Variants in CLSTN2 observed in about 807,000 individuals in gnomAD.
CLSTN2 encodes calsyntenin 2.
In CLSTN2, 48 loss-of-function variants were observed where a neutral mutation model predicts 101.2. The observed-to-expected ratio is 0.47, with a 90% CI of 0.38 to 0.60. The LOEUF (loss-of-function observed/expected upper bound fraction) is 0.60. Ranked by LOEUF, CLSTN2 falls within the 20% of genes least tolerant of loss-of-function variation. The pLI, the probability that CLSTN2 is intolerant of heterozygous loss-of-function variation, is 0.00. For synonymous variants in CLSTN2, 481 were observed against 463.6 expected (o/e 1.04, Z -0.48); for missense variants, 1,160 against 1,238.2 (o/e 0.94, Z 0.95).
intron 2 of CLSTN2, among the ~76,000 whole-genome samples, chr3:140,268,508 T>G (rs750070470): frequency 1.3e-4 from 20 of 152,190 alleles, no homozygotes; most frequent in African/African-American, 9.6e-5. Flanking sequence ...CAGGCAGGAC[T>G]GGGTGTTGTG....
intron 1 of CLSTN2, among the ~76,000 whole-genome samples, chr3:140,138,936 A>G (rs951709954): frequency 3.3e-5 from 5 of 152,226 alleles, no homozygotes; most frequent in African/African-American, 7.2e-5. Flanking sequence ...AGAATATGGT[A>G]TTTAGAACAG....
chr3:140,368,061 T>A (rs1047190103), intron 2 of CLSTN2, among the ~76,000 whole-genome samples: 2 of 152,224 alleles, frequency 1.3e-5, no homozygotes, highest in African/African-American at 4.8e-5. Flanking sequence ...ATGATTTTTT[T>A]ATTTATTCCA....
intron 1 of CLSTN2, among the ~76,000 whole-genome samples, chr3:140,051,775 G>T (rs1448307612): frequency 6.6e-6 from 1 of 152,164 alleles, no homozygotes; most frequent in Non-Finnish European, 1.5e-5. Context: ...TTCTGGGATT[G>T]TTGTAAAATC....
intron 2 of CLSTN2, among the ~76,000 whole-genome samples, chr3:140,339,037 C>T (rs751946148): frequency 2.6e-5 from 4 of 152,184 alleles, no homozygotes; most frequent in Admixed American, 1.3e-4. Flanking sequence ...AGTGGCTCAC[C>T]TGGGTGAAGC....
intron 1 of CLSTN2, among the ~76,000 whole-genome samples, chr3:140,133,694 G>A (rs2009558123): frequency 2.0e-5 from 3 of 152,152 alleles, no homozygotes; most frequent in Admixed American, 1.3e-4. Context: ...GAGGTCAACC[G>A]CATTACATAG....
At chr3:139,960,777 G>A (rs1466649942) in intron 1 of CLSTN2, among the ~76,000 whole-genome samples, 1 of 152,172 alleles carries the variant, frequency 6.6e-6, no homozygotes, top group African/African-American at 2.4e-5. Flanking sequence ...TTCATACTTG[G>A]GGGCTGGGAG....
intron 1 of CLSTN2, among the ~76,000 whole-genome samples, chr3:140,078,670 A>G (rs2008536303): frequency 6.6e-6 from 1 of 152,224 alleles, no homozygotes; most frequent in African/African-American, 2.4e-5. Context: ...CCCACTGCTA[A>G]TGGTTTATAA....
intron 1 of CLSTN2, among the ~76,000 whole-genome samples, chr3:140,038,770 G>A (rs912093983): frequency 6.6e-6 from 1 of 152,138 alleles, no homozygotes; most frequent in Non-Finnish European, 1.5e-5. Flanking sequence ...TAGATACTAA[G>A]GGTGTTCTTT....
At chr3:139,973,391 C>T (rs1289055224) in intron 1 of CLSTN2, among the ~76,000 whole-genome samples, 1 of 152,176 alleles carries the variant, frequency 6.6e-6, no homozygotes, top group African/African-American at 2.4e-5. Context: ...AGAAACCCAG[C>T]TAAAAATTGG....
chr3:140,359,024 T>A (rs2087701448), intron 2 of CLSTN2, among the ~76,000 whole-genome samples: 1 of 151,974 alleles, frequency 6.6e-6, no homozygotes, highest in African/African-American at 2.4e-5. Context: ...AGAGCAAAGA[T>A]CCTGTCGTTC....
chr3:140,266,981 T>C (rs1031348988), intron 2 of CLSTN2, among the ~76,000 whole-genome samples: 1 of 152,172 alleles, frequency 6.6e-6, no homozygotes, highest in Admixed American at 6.5e-5. Flanking sequence ...TCATGATCTG[T>C]TAGCAATGTC....
intron 5 of CLSTN2, among the ~76,000 whole-genome samples, chr3:140,441,592 C>CT (rs2088765911): frequency 6.6e-6 from 1 of 152,202 alleles, no homozygotes; most frequent in Non-Finnish European, 1.5e-5. Context: ...AAGGCAGGGT[C>CT]TGGAGCCAGG....
chr3:140,340,313 A>G (rs1310532957), intron 2 of CLSTN2, among the ~76,000 whole-genome samples: 1 of 152,254 alleles, frequency 6.6e-6, no homozygotes, highest in African/African-American at 2.4e-5. Flanking sequence ...ATAGTAATGT[A>G]TGCCGGCCAG....
intron 1 of CLSTN2, among the ~76,000 whole-genome samples, chr3:139,948,173 G>A (rs1203885302): frequency 6.6e-6 from 1 of 152,026 alleles, no homozygotes; most frequent in Non-Finnish European, 1.5e-5. Flanking sequence ...TGCTTTTGAA[G>A]GTAGGGTTTG....
chr3:140,127,891 A>G (rs186777405), intron 1 of CLSTN2, among the ~76,000 whole-genome samples: 4 of 152,292 alleles, frequency 2.6e-5, no homozygotes, highest in Admixed American at 2.6e-4. Context: ...GTTTCATACC[A>G]AACCCTGGCA....
chr3:140,170,683 A>G (rs934147764), intron 1 of CLSTN2, among the ~76,000 whole-genome samples: 1 of 152,202 alleles, frequency 6.6e-6, no homozygotes, highest in Admixed American at 6.5e-5. Flanking sequence ...AAAAACCTCA[A>G]CTTTTAAGTT....
chr3:140,311,776 C>G (rs1470336494), intron 2 of CLSTN2, among the ~76,000 whole-genome samples: 2 of 152,054 alleles, frequency 1.3e-5, no homozygotes, highest in African/African-American at 4.8e-5. Context: ...TTGCCCCAGT[C>G]CCACAGTAAG....
chr3:140,074,272 A>G (rs1309525123), intron 1 of CLSTN2, among the ~76,000 whole-genome samples: 2 of 152,100 alleles, frequency 1.3e-5, no homozygotes, highest in Admixed American at 6.5e-5. Flanking sequence ...TATCTGAGAG[A>G]TAATTCCTCA....
At chr3:140,160,741 A>G (rs569614932) in intron 1 of CLSTN2, among the ~76,000 whole-genome samples, 1 of 152,094 alleles carries the variant, frequency 6.6e-6, no homozygotes, top group South Asian at 2.1e-4. Flanking sequence ...GTAGGTCCCA[A>G]TCTCTACCAC....
Sources: gnomAD v4.1 joint callset for allele counts (sites outside exome capture counted in the v4.1 genomes callset) on GRCh38, gnomAD v4.1.1 for gene constraint, MANE v1.5 for transcripts, NCBI Gene and HGNC (gene_info 2026-07-23, HGNC 2026-07-21) for gene names.